Variants in RBFOX1 observed in about 807,000 individuals in gnomAD.
RBFOX1 encodes the protein RNA binding fox-1 homolog 1.
A neutral mutation model predicts 57.7 loss-of-function variants in RBFOX1; 8 were observed. That is an observed-to-expected ratio of 0.14 (90% CI 0.08 to 0.25). The LOEUF is 0.25. RBFOX1 is among the 10% of genes least tolerant of loss of function. The probability of loss-of-function intolerance (pLI) is 1.00; values close to 1 mark genes in which losing one functional copy is unlikely to be tolerated. For synonymous variants in RBFOX1, 326 were observed against 222.4 expected, an observed-to-expected ratio of 1.47 and a Z score of -4.15; for missense variants, 611 against 548.5, an observed-to-expected ratio of 1.11 and a Z score of -1.14.
At chr16:6,238,668 C>T (rs1339935624) in intron 1 of RBFOX1, among the ~76,000 whole-genome samples, 1 of 152,152 alleles carries the variant, frequency 6.6e-6, no homozygotes, top group Admixed American at 6.5e-5. Context: ...ATGAGAATCC[C>T]AGCAGCTTTA....
chr16:6,756,044 G>A (rs978926745), intron 3 of RBFOX1, among the ~76,000 whole-genome samples: 3 of 152,082 alleles, frequency 2.0e-5, no homozygotes, highest in Non-Finnish European at 4.4e-5. Context: ...TACACAATGA[G>A]GTGCCTCCCA....
chr16:7,014,142 A>G (rs2093786900), intron 3 of RBFOX1, among the ~76,000 whole-genome samples: 1 of 152,186 alleles, frequency 6.6e-6, no homozygotes, highest in African/African-American at 2.4e-5. Context: ...TAAATGCTCA[A>G]AAAGAACTGT....
rs571562640 is a variant in RBFOX1, at chr16:5,706,421, C to T, written c.318+107460C>T. On this transcript the variant is annotated intron_variant, in intron 3 of 19. Transcript: ENST00000641259. ...GCCTTGCTTCTTGTTTAGCAGGAAA[C>T]CTGCCCTCTTATTTCCCTGGTGCTC... 9.8e-5 allele frequency among the ~76,000 whole-genome samples: 15 copies of T among 152,294 alleles called. No individual in the cohort carries two copies. The East Asian group carries it at 1.9e-3, about 20-fold the overall frequency.
intron 1 of RBFOX1, among the ~76,000 whole-genome samples, chr16:5,450,414 G>A (rs926286639): frequency 2.0e-5 from 3 of 152,156 alleles, no homozygotes; most frequent in South Asian, 2.1e-4. Context: ...AGACCACAGG[G>A]AATTTGAGCC....
intron 4 of RBFOX1, among the ~76,000 whole-genome samples, chr16:5,909,729 G>C (rs998202854): frequency 1.2e-4 from 18 of 152,172 alleles, no homozygotes; most frequent in Non-Finnish European, 1.5e-5. Context: ...AACAAGCCCA[G>C]CCCTGGTAAG....
intron 1 of RBFOX1, among the ~76,000 whole-genome samples, chr16:5,283,844 G>A (rs1276414362): frequency 1.3e-5 from 2 of 151,998 alleles, no homozygotes; most frequent in East Asian, 1.9e-4. Context: ...AGTTAATGCT[G>A]AACTTAGTTA....
chr16:7,088,836 A>G (rs559859271), intron 4 of RBFOX1, among the ~76,000 whole-genome samples: 74 of 152,056 alleles, frequency 4.9e-4, no homozygotes, highest in Non-Finnish European at 9.0e-4. Context: ...TCGAGGTTCA[A>G]CTCAACCTCT....
intron 2 of RBFOX1, among the ~76,000 whole-genome samples, chr16:6,473,953 T>G (rs1411369876): frequency 6.6e-6 from 1 of 152,220 alleles, no homozygotes; most frequent in Non-Finnish European, 1.5e-5. Context: ...GATTTTTGTT[T>G]GGCTTCCTGG....
chr16:7,368,450 A>C (rs2097504569), intron 4 of RBFOX1, among the ~76,000 whole-genome samples: 1 of 151,926 alleles, frequency 6.6e-6, no homozygotes, highest in African/African-American at 2.4e-5. Context: ...GTTTTCTTGG[A>C]GGTCTCGAAA....
intron 1 of RBFOX1, among the ~76,000 whole-genome samples, chr16:5,438,622 C>T (rs752940784): frequency 6.6e-6 from 1 of 152,154 alleles, no homozygotes; most frequent in African/African-American, 2.4e-5. Context: ...ACGGGTTTCA[C>T]CTCTGCTGGC....
At chr16:6,843,612 C>G (rs568617078) in intron 3 of RBFOX1, among the ~76,000 whole-genome samples, 75 of 152,210 alleles carry the variant, frequency 4.9e-4, no homozygotes, top group Admixed American at 9.2e-4. Flanking sequence ...TGGCATGAAC[C>G]CAGGAGGTGG....
chr16:6,587,127 T>A (rs1237594441), intron 2 of RBFOX1, among the ~76,000 whole-genome samples: 1 of 152,174 alleles, frequency 6.6e-6, no homozygotes, highest in Non-Finnish European at 1.5e-5. Context: ...CTGTTGGATT[T>A]ATTCCTCTTA....
At chr16:6,806,310 G>A (rs1007419026) in intron 3 of RBFOX1, among the ~76,000 whole-genome samples, 2 of 152,082 alleles carry the variant, frequency 1.3e-5, no homozygotes, top group Non-Finnish European at 2.9e-5. Context: ...ACCTGATAAT[G>A]TTGAATATTT....
At chr16:6,981,235 T>A (rs566969704) in intron 3 of RBFOX1, among the ~76,000 whole-genome samples, 1 of 152,050 alleles carries the variant, frequency 6.6e-6, no homozygotes, top group Non-Finnish European at 1.5e-5. Flanking sequence ...AGCCTAGTAC[T>A]CATTCATTGT....
chr16:7,220,392 T>A (rs1335434428), intron 4 of RBFOX1, among the ~76,000 whole-genome samples: 1 of 152,174 alleles, frequency 6.6e-6, no homozygotes, highest in Non-Finnish European at 1.5e-5. Flanking sequence ...CTGTTGTTGC[T>A]CAAAGAAGGT....
intron 3 of RBFOX1, among the ~76,000 whole-genome samples, chr16:6,901,344 A>C (rs1250579568): frequency 6.6e-6 from 1 of 152,188 alleles, no homozygotes; most frequent in Non-Finnish European, 1.5e-5. Flanking sequence ...TTCAACCTGG[A>C]AATGTCCCAC....
chr16:6,694,703 A>C (rs59809389), intron 3 of RBFOX1, among the ~76,000 whole-genome samples: 1 of 152,120 alleles, frequency 6.6e-6, no homozygotes, highest in Admixed American at 6.5e-5. Context: ...CACCAGCTCT[A>C]TCATATCCTC....
Position 6,872,856 on chromosome 16 carries a change from C to T in RBFOX1, c.-15-179201C>T, listed in dbSNP as rs1367421353. ...CTTTAAAAGAGTTAACAGAATATAA[C>T]AATTCAAAGACTCCATGTTCCATAA... On this transcript the variant is annotated intron_variant, in intron 3 of 15. Coordinates refer to ENST00000550418, the MANE Select transcript of RBFOX1 (RefSeq NM_018723.4). 2.0e-5 allele frequency among the ~76,000 whole-genome samples: 3 copies of T among 152,090 alleles called. No individual in the cohort carries two copies. In the East Asian group the frequency reaches 5.8e-4, roughly 29 times the overall value.
intron 8 of RBFOX1, among the ~76,000 whole-genome samples, chr16:7,596,372 T>A (rs1372349137): frequency 2.0e-5 from 3 of 151,956 alleles, no homozygotes; most frequent in Non-Finnish European, 4.4e-5. Context: ...GTTAATTTTT[T>A]TTTTAATACC....
Sources: gnomAD v4.1 joint callset for allele counts (sites outside exome capture counted in the v4.1 genomes callset) on GRCh38, gnomAD v4.1.1 for gene constraint, MANE v1.5 for transcripts, NCBI Gene and HGNC (gene_info 2026-07-23, HGNC 2026-07-21) for gene names.